The following DLEC1 variants were observed in gnomAD, a reference collection of about 807,000 sequenced individuals.
The protein encoded by DLEC1 is deleted in lung and esophageal cancer protein 1.
A neutral mutation model predicts 198.1 loss-of-function variants in DLEC1; 146 were observed. That is an observed-to-expected ratio of 0.74 (90% CI 0.64 to 0.85). DLEC1 has a LOEUF of 0.85. DLEC1 is among the 40% of genes least tolerant of loss of function. The pLI is 0.00. For synonymous variants in DLEC1, 897 were observed against 866.8 expected (o/e 1.03, Z -0.61); for missense variants, 2,233 against 2,220.0 (o/e 1.01, Z -0.12).
At chr3:38,071,365 T>C (rs531495201) in intron 6 of DLEC1, among the ~76,000 whole-genome samples, 1 of 152,328 alleles carries the variant, frequency 6.6e-6, no homozygotes, top group Admixed American at 6.5e-5. Context: ...TCCTTGAGGA[T>C]AGATTTCCAT....
At chr3:38,120,684 G>A in intron 34 of DLEC1, 75 bp downstream of exon 34, 2 of 1,583,238 alleles carry the variant, frequency 1.3e-6, no homozygotes, top group Non-Finnish European at 8.6e-7. Flanking sequence ...GCCAGAGGAG[G>A]AAAGACCTAG....
intron 19 of DLEC1, among the ~76,000 whole-genome samples, chr3:38,101,689 T>C (rs1699314161): frequency 6.6e-6 from 1 of 152,178 alleles, no homozygotes; most frequent in Non-Finnish European, 1.5e-5. Context: ...TACCCCACAC[T>C]TTCACCATGA....
chr3:38,114,057 G>A (rs1383235986), intron 25 of DLEC1, among the ~76,000 whole-genome samples: 1 of 148,420 alleles, frequency 6.7e-6, no homozygotes, highest in African/African-American at 2.5e-5. Context: ...AAGATTGCTT[G>A]AGGCCAGTAG....
chr3:38,095,673 C>A, intron 13 of DLEC1: 1 of 563,724 alleles, frequency 1.8e-6, no homozygotes, highest in South Asian at 2.3e-5. Context: ...CCAGGCCCAG[C>A]TGAGACAGGC....
At position 38,100,339 on chromosome 3, in the gene DLEC1, G is replaced by T; in HGVS notation, c.2778G>T (p.Glu926Asp). ...GTGGCCAGCTTCACTCTCTGGGGGAGTGCAGGGTGGACATCACCTTGGAGG... is the reference window on the plus strand; with the variant it reads ...GTGGCCAGCTTCACTCTCTGGGGGATTGCAGGGTGGACATCACCTTGGAGG... ...PSSGQLHSLGECRVDITLEAL... is the reference protein window; with the variant it reads ...PSSGQLHSLGDCRVDITLEAL... The change falls in exon 19 of 37, where the codon GAG becomes GAT. Residue 926 changes from glutamate to aspartate, a missense_variant. Glu to Asp is a conservative substitution (Grantham distance 45). Coordinates refer to ENST00000308059, the MANE Select transcript of DLEC1 (RefSeq NM_007335.4). The T allele has an allele frequency of 6.2e-7, 1 of 1,613,984 alleles. No individual in the cohort carries two copies. The highest frequency in any genetic ancestry group is 8.5e-7 in the Non-Finnish European group (1 of 1,179,980).
intron 1 of DLEC1, among the ~76,000 whole-genome samples, chr3:38,041,343 A>G (rs937491048): frequency 2.7e-5 from 4 of 149,912 alleles, no homozygotes; most frequent in African/African-American, 7.4e-5. Context: ...GGGTCCCACT[A>G]TGTTGCCCAG....
intron 25 of DLEC1, among the ~76,000 whole-genome samples, chr3:38,114,046 G>A (rs1449926929): frequency 6.7e-6 from 1 of 149,068 alleles, no homozygotes; most frequent in Non-Finnish European, 1.5e-5. Context: ...GCTGAGGCAG[G>A]AAGATTGCTT....
In DLEC1 at chr3:38,122,947, A is replaced by C. The variant is rs1700566161; in HGVS notation, c.*535A>C. 2 of 1,194,302 alleles carry C rather than the reference A, an allele frequency of 1.7e-6. No homozygotes were observed. The highest frequency in any genetic ancestry group is 3.0e-5 in the African/African-American group (2 of 66,504). 74.0% of individuals were successfully genotyped at this position (1,194,302 alleles called of 1,614,324 possible). A position where few individuals can be genotyped will look rare whatever the true frequency, so the allele number is the denominator to read the frequency against. ...TGATCTGTCCACTGCCACCACCACC[A>C]GTGCTGAGTTTTCCCATGTGGTTTT... On this transcript the variant is annotated 3_prime_UTR_variant, in exon 37 of 37. Coordinates refer to ENST00000308059, the MANE Select transcript of DLEC1 (RefSeq NM_007335.4).
At chr3:38,064,213 C>G (rs1696868484) in intron 6 of DLEC1, among the ~76,000 whole-genome samples, 1 of 151,884 alleles carries the variant, frequency 6.6e-6, no homozygotes, top group South Asian at 2.1e-4. Flanking sequence ...GGTGATGACT[C>G]TTAACGAGCA....
intron 5 of DLEC1, 66 bp downstream of exon 5, chr3:38,062,867 C>A: frequency 6.5e-7 from 1 of 1,539,294 alleles, no homozygotes; most frequent in South Asian, 1.2e-5. Context: ...AGATGGTCCT[C>A]CGTTTGGTCT....
In DLEC1 at chr3:38,120,586, G is replaced by A; in HGVS notation, c.4843G>A (p.Glu1615Lys). 1 of 1,613,668 alleles carries A rather than the reference G, an allele frequency of 6.2e-7. No individual in the cohort carries two copies. Among genetic ancestry groups the A allele is most frequent in the Non-Finnish European group, 8.5e-7 (1 of 1,180,032 alleles). ...GGTGTTTACTCAGAACCTGCTCCTG[G>A]AGTACACCAACCAGACCACTCAGGC... The part of the protein sequence containing the change: ...EMVFTQNLLL[E>K]YTNQTTQVVP... Residue 1615 changes from glutamate (E) to lysine (K), a missense_variant, in exon 34 of 37, where the codon GAG (glutamate) becomes AAG (lysine). Transcript: ENST00000308059.
Position 38,112,443 on chromosome 3 carries a change from C to A in DLEC1, c.3666+82C>A, listed in dbSNP as rs900219355. ...CCTTCAGCCTCTCTCCCCTCCAACA[C>A]CTGGCCCTCAGACTCTCAAACCTCA... is the stretch of plus-strand genomic sequence containing the variant. On this transcript the variant is annotated intron_variant, in intron 25 of 36. Coordinates refer to ENST00000308059, the MANE Select transcript of DLEC1 (RefSeq NM_007335.4). The surrounding 1 kb of genome is among the most constrained non-coding windows in gnomAD (Gnocchi z 4.8). The A allele has an allele frequency of 1.4e-5, 22 of 1,573,870 alleles. No homozygotes were observed. The African/African-American group carries it at 3.0e-4, about 21-fold the overall frequency.
At chr3:38,078,292 T>C (rs1697750212) in intron 6 of DLEC1, among the ~76,000 whole-genome samples, 1 of 152,130 alleles carries the variant, frequency 6.6e-6, no homozygotes, top group Admixed American at 6.5e-5. Context: ...ATGAGAAATG[T>C]AGAGAGTGAG....
At chr3:38,078,856 T>C (rs895663175) in intron 6 of DLEC1, among the ~76,000 whole-genome samples, 2 of 152,198 alleles carry the variant, frequency 1.3e-5, no homozygotes, top group Admixed American at 6.5e-5. Context: ...AACAATTTGG[T>C]TGATAAGGCA....
Position 38,062,585 on chromosome 3 carries a change from C to T in DLEC1, c.878C>T (p.Ala293Val). 6.2e-7 allele frequency: 1 copy of T among 1,614,028 alleles called. No individual in the cohort carries two copies. The highest frequency in any genetic ancestry group is 8.5e-7 in the Non-Finnish European group (1 of 1,179,988). ...KERTREPLKK[A>V]SQPRNKNWMN... ...ATGCTTTTGTATGTTTCAAAGAAAG[C>T]AAGTCAACCAAGGAATAAAAACTGG... is the stretch of plus-strand genomic sequence containing the variant. Residue 293 changes from alanine (A) to valine (V), a missense_variant, in exon 5 of 37, where the codon GCA becomes GTA. By Grantham distance (64) the Ala-to-Val change is moderately conservative. Coordinates refer to ENST00000308059, the MANE Select transcript of DLEC1 (RefSeq NM_007335.4).
chr3:38,063,182 T>G (rs1696789292), intron 5 of DLEC1, among the ~76,000 whole-genome samples: 1 of 152,262 alleles, frequency 6.6e-6, no homozygotes, highest in Admixed American at 6.5e-5. Flanking sequence ...TGCCTTTGCC[T>G]ATATATCAGT....
chr3:38,081,692 C>T (rs1289997446), intron 6 of DLEC1, among the ~76,000 whole-genome samples: 24 of 69,204 alleles, frequency 3.5e-4, no homozygotes, highest in African/African-American at 1.3e-3. Flanking sequence ...CCCTCCCGGA[C>T]GGGGTGGCTG....
At chr3:38,113,159 A>G (rs1196621905) in intron 25 of DLEC1, among the ~76,000 whole-genome samples, 1 of 152,216 alleles carries the variant, frequency 6.6e-6, no homozygotes, top group African/African-American at 2.4e-5. Flanking sequence ...ACATATTAAA[A>G]TCTGTCACCA....
In DLEC1 at chr3:38,097,596, T is replaced by G. The variant is rs558094907; in HGVS notation, c.2524T>G (p.Ser842Ala). The G allele has an allele frequency of 9.3e-6, 15 of 1,614,194 alleles. No homozygotes were observed. The highest frequency in any genetic ancestry group is 1.3e-5 in the Non-Finnish European group (15 of 1,180,042). ...SQDLLCEIEDSPSPVVLHIEA... is the reference protein window; with the variant it reads ...SQDLLCEIEDAPSPVVLHIEA... ...GGACCTGCTGTGTGAAATCGAAGAC[T>G]CGCCCTCGCCAGTGGTGTTACACAT... is the stretch of plus-strand genomic sequence containing the variant. The change falls in exon 17 of 37, where the codon TCG becomes GCG. Residue 842 changes from serine (S) to alanine (A), a missense_variant. Ser to Ala is a moderately conservative substitution (Grantham distance 99). Coordinates refer to ENST00000308059, the MANE Select transcript of DLEC1 (RefSeq NM_007335.4).
Sources: allele counts gnomAD v4.1 joint callset (sites outside exome capture counted in the v4.1 genomes callset), GRCh38; gene constraint gnomAD v4.1.1; non-coding constraint Gnocchi (gnomAD v3.1); transcripts MANE v1.5; gene names NCBI Gene and HGNC (gene_info 2026-07-23, HGNC 2026-07-21).